MRPL44: variants seen among roughly 807,000 people sequenced by gnomAD.
MRPL44 encodes the protein mitochondrial ribosomal protein L44.
MRPL44 carries 21 observed loss-of-function variants against 25.9 expected under a neutral mutation model. The ratio of observed to expected loss-of-function variants is 0.81; its 90% CI spans 0.58 to 1.17. The LOEUF is 1.17. Ranked by LOEUF, MRPL44 falls within the 50% of genes most tolerant of loss-of-function variation. The pLI, the probability that MRPL44 is intolerant of heterozygous loss-of-function variation, is 0.00. For synonymous variants in MRPL44, 169 were observed against 151.0 expected (o/e 1.12, Z -0.87); for missense variants, 410 against 398.9 (o/e 1.03, Z -0.24).
chr2:223,961,897 C>G (rs1210396368), intron 2 of MRPL44, among the ~76,000 whole-genome samples: 2 of 152,146 alleles, frequency 1.3e-5, no homozygotes, highest in African/African-American at 4.8e-5. Flanking sequence ...TGGGAAAGAG[C>G]TGTGTTTCCT....
At chr2:223,957,343 C>G (rs1389220801), upstream of MRPL44, 1 of 1,222,022 alleles carries the variant, frequency 8.2e-7, no homozygotes, top group African/African-American at 1.5e-5. Flanking sequence ...CTCTCAGTCG[C>G]CCCGCCCCGG....
upstream of MRPL44, chr2:223,957,347 G>A: frequency 1.6e-6 from 2 of 1,268,174 alleles, no homozygotes; most frequent in South Asian, 1.3e-5. Flanking sequence ...CAGTCGCCCC[G>A]CCCCGGGGGC....
At chr2:223,966,471 T>TC (rs1689742783) in intron 3 of MRPL44, among the ~76,000 whole-genome samples, 1 of 152,150 alleles carries the variant, frequency 6.6e-6, no homozygotes, top group Admixed American at 6.5e-5. Flanking sequence ...TATTTATTTT[T>TC]CCCAAGTTAT....
chr2:223,959,155 T>A (rs1689616225), intron 1 of MRPL44, among the ~76,000 whole-genome samples: 1 of 152,190 alleles, frequency 6.6e-6, no homozygotes, highest in Admixed American at 6.5e-5. Context: ...AACATACTAG[T>A]GTTTATGGCT....
In MRPL44 at chr2:223,967,321, C is replaced by G; in HGVS notation, c.*287C>G. 4.2e-6 allele frequency: 1 copy of G among 236,654 alleles called. No homozygotes were observed. Among genetic ancestry groups the G allele is most frequent in the Non-Finnish European group, 8.2e-6 (1 of 122,248 alleles). 14.7% of individuals were successfully genotyped at this position (236,654 alleles called of 1,614,324 possible). On this transcript the variant is annotated 3_prime_UTR_variant, in exon 4 of 4. Transcript: ENST00000258383. ...GATCTCGGCTCACTGCAACCTCCAC[C>G]TCACAGGTTCAAGCGATTCTCGTGG...
At chr2:223,957,259 G>C, upstream of MRPL44, 1 of 613,644 alleles carries the variant, frequency 1.6e-6, no homozygotes, top group Non-Finnish European at 2.9e-6. Context: ...TCGAAGAGAG[G>C]AGAGAACTAG....
chr2:223,953,412 C>T (rs928113104), upstream of MRPL44, among the ~76,000 whole-genome samples: 11 of 149,894 alleles, frequency 7.3e-5, no homozygotes, highest in Non-Finnish European at 1.5e-4. Flanking sequence ...GGATTACAGG[C>T]ATGAGCCACC....
intron 3 of MRPL44, among the ~76,000 whole-genome samples, chr2:223,964,652 A>C (rs563902778): frequency 6.6e-6 from 1 of 152,178 alleles, no homozygotes; most frequent in African/African-American, 2.4e-5. Context: ...CCTTTTAAAC[A>C]TATCTTTTAT....
rs756372023 is a variant in MRPL44 at position 223,957,490 on chromosome 2, A to G, written c.18A>G (p.Val6=). The G allele has an allele frequency of 3.7e-6, 6 of 1,614,118 alleles. No homozygotes were observed. The South Asian group carries it at 4.4e-5, about 12-fold the overall frequency. ...CTCGTGCAATGGCGTCCGGGCTGGT[A>G]AGATTGCTGCAGCAGGGACATCGCT... MASGL[V]RLLQQGHRCL... Residue 6 remains valine (V), a synonymous_variant, in exon 1 of 4, where the codon GTA becomes GTG. Coordinates refer to ENST00000258383, the MANE Select transcript of MRPL44 (RefSeq NM_022915.5).
At position 223,963,809 on chromosome 2, in the gene MRPL44, A is replaced by G. The variant is rs758689793; in HGVS notation, c.702A>G (p.Ile234Met). ...TGKELFEMWK[I>M]INPMGLLVEE... The stretch of plus-strand genomic sequence containing the variant: ...AAGAGCTCTTTGAGATGTGGAAGAT[A>G]ATAAATCCCATGGGGCTATTGGTAG... Residue 234 changes from isoleucine (I) to methionine (M), a missense_variant, in exon 3 of 4, where the codon ATA becomes ATG. Transcript: ENST00000258383. The G allele has an allele frequency of 6.2e-7, 1 of 1,613,522 alleles. No individual in the cohort carries two copies. The highest frequency in any genetic ancestry group is 8.5e-7 in the Non-Finnish European group (1 of 1,179,724).
Position 223,967,652 on chromosome 2 carries a change from TTATG to T in MRPL44, c.*622_*625del, listed in dbSNP as rs1484863651. On this transcript the variant is annotated 3_prime_UTR_variant, in exon 4 of 4. Transcript: ENST00000258383. ...GCGTCTAGCTTTGAGGTATCATAAT[TTATG>T]TATCTTATGTGAATTTTTTGCTGTA... 2.0e-5 allele frequency: 3 copies of T among 152,226 alleles called. No individual in the cohort carries two copies. The highest frequency in any genetic ancestry group is 6.5e-5 in the Admixed American group (1 of 15,278). The allele number at this position is 152,226 out of a possible 1,614,324, so 9.4% of individuals were successfully genotyped here.
chr2:223,959,681 G>A lies in MRPL44; in HGVS notation c.327G>A (p.Gly109=). 5 of 1,614,220 alleles carry A rather than the reference G, an allele frequency of 3.1e-6. No individual in the cohort carries two copies. The highest frequency in any genetic ancestry group is 4.2e-6 in the Non-Finnish European group (5 of 1,180,038). The change falls in exon 2 of 4, where the codon GGG becomes GGA. Residue 109 remains glycine, a synonymous_variant. Coordinates refer to ENST00000258383, the MANE Select transcript of MRPL44 (RefSeq NM_022915.5). The part of the protein sequence containing the change: ...KSEEAKRQQL[G]IEKEAVLLNL... ...AGGAGGCCAAACGCCAACAACTTGGGATAGAGAAAGAAGCTGTTCTTCTGA... is the reference window on the plus strand; with the variant it reads ...AGGAGGCCAAACGCCAACAACTTGGAATAGAGAAAGAAGCTGTTCTTCTGA...
chr2:223,966,739 A>G (rs1426952403), intron 3 of MRPL44, 124 bp from the exon 4 acceptor site: 6 of 758,100 alleles, frequency 7.9e-6, no homozygotes, highest in South Asian at 5.3e-5. Flanking sequence ...TATCAGAGCT[A>G]TTGTGTTACT....
At chr2:223,965,292 A>T (rs768455846) in intron 3 of MRPL44, among the ~76,000 whole-genome samples, 48 of 152,292 alleles carry the variant, frequency 3.2e-4, no homozygotes, top group Non-Finnish European at 6.5e-4. Context: ...CCTTTGTTTC[A>T]TTTCCAATTA....
chr2:223,951,582 G>T, the MRPL44 span, among the ~76,000 whole-genome samples: 299 of 147,838 alleles, frequency 2.0e-3, no homozygotes, highest in African/African-American at 6.7e-3. Context: ...TGGTTCAAAT[G>T]ATTCTCCTGC....
At chr2:223,965,334 T>C (rs1689724706) in intron 3 of MRPL44, among the ~76,000 whole-genome samples, 1 of 152,238 alleles carries the variant, frequency 6.6e-6, no homozygotes, top group Admixed American at 6.5e-5. Context: ...AGCAAATTTA[T>C]TTCATATTGT....
chr2:223,961,584 A>G (rs1689661771), intron 2 of MRPL44, among the ~76,000 whole-genome samples: 1 of 152,196 alleles, frequency 6.6e-6, no homozygotes, highest in Admixed American at 6.5e-5. Context: ...GCATCTGGAA[A>G]TTAGAACGGC....
intron 1 of MRPL44, among the ~76,000 whole-genome samples, 156 bp downstream of exon 1, chr2:223,957,807 A>T (rs541360725): frequency 6.6e-6 from 1 of 151,370 alleles, no homozygotes; most frequent in Admixed American, 6.6e-5. Context: ...GGCCTGAGGC[A>T]AAAAAAATGG....
chr2:223,962,024 C>T (rs142119285), intron 2 of MRPL44, among the ~76,000 whole-genome samples: 30 of 152,240 alleles, frequency 2.0e-4, no homozygotes, highest in African/African-American at 6.7e-4. Context: ...TTCAAAATCC[C>T]CTACTGAGAG....
Sources: allele counts gnomAD v4.1 joint callset (sites outside exome capture counted in the v4.1 genomes callset), GRCh38; gene constraint gnomAD v4.1.1; transcripts MANE v1.5; gene names NCBI Gene and HGNC (gene_info 2026-07-23, HGNC 2026-07-21).